Variants in GRXCR1 observed in about 807,000 individuals in gnomAD.
The protein encoded by GRXCR1 is glutaredoxin and cysteine rich domain containing 1, also known as glutaredoxin domain-containing cysteine-rich protein 1.
Under a neutral mutation model 27.3 loss-of-function variants are expected in GRXCR1, and 27 were observed. The observed-to-expected ratio is 0.99, with a 90% CI of 0.73 to 1.37. The LOEUF (loss-of-function observed/expected upper bound fraction) is 1.37, where lower values mean the gene tolerates loss of function less well. Among genes scored for constraint, GRXCR1 ranks in the 40% most tolerant of loss-of-function variants. The pLI is 0.00. For missense variants in GRXCR1, 379 were observed against 354.4 expected, an observed-to-expected ratio of 1.07 and a Z score of -0.56; for synonymous variants, 122 against 131.1, an observed-to-expected ratio of 0.93 and a Z score of 0.47.
intron 1 of GRXCR1, among the ~76,000 whole-genome samples, chr4:42,893,955 G>A (rs916693897): frequency 2.6e-5 from 4 of 152,106 alleles, no homozygotes; most frequent in Admixed American, 1.3e-4. Flanking sequence ...AAACTATGCT[G>A]TTCAAAGCAT....
intron 1 of GRXCR1, among the ~76,000 whole-genome samples, chr4:42,945,666 G>A (rs1450938): frequency 0.65 from 98,395 of 151,938 alleles, 32,423 homozygotes; most frequent in African/African-American, 0.76. Flanking sequence ...ACTTTACAGT[G>A]AGTGCTACCA....
intron 1 of GRXCR1, among the ~76,000 whole-genome samples, chr4:42,951,245 A>T (rs940545210): frequency 2.0e-5 from 3 of 152,196 alleles, no homozygotes; most frequent in Admixed American, 6.5e-5. Context: ...AACAGATGGT[A>T]CGTTGACCAC....
At position 42,892,713 on chromosome 4, in the gene GRXCR1, A is replaced by T. The variant is rs1190204492; in HGVS notation, c.-554A>T. 1 of 154,218 alleles carries T rather than the reference A, an allele frequency of 6.5e-6. No homozygotes were observed. Among genetic ancestry groups the T allele is most frequent in the Non-Finnish European group, 1.4e-5 (1 of 69,382 alleles). The allele number at this position is 154,218 out of a possible 1,614,324, so 9.6% of individuals were successfully genotyped here. On this transcript the variant is annotated 5_prime_UTR_variant, in exon 1 of 4. Coordinates refer to ENST00000399770, the MANE Select transcript of GRXCR1 (RefSeq NM_001080476.3). ...GAAATCTAACTGATGATTTAATAAG[A>T]ACTAATAGTAATAGCTCTATGCAGG...
intron 2 of GRXCR1, among the ~76,000 whole-genome samples, chr4:42,970,200 G>A (rs1748352964): frequency 6.6e-6 from 1 of 152,132 alleles, no homozygotes; most frequent in Non-Finnish European, 1.5e-5. Context: ...GCTTTCATGG[G>A]CTGGTATTGA....
At position 42,909,289 on chromosome 4, in the gene GRXCR1, C is replaced by T. The variant is rs566898311; in HGVS notation, c.384+15639C>T. Among the ~76,000 whole-genome samples the T allele has an allele frequency of 6.6e-5, 10 of 152,136 alleles. No homozygotes were observed. The South Asian group carries it at 8.3e-4, about 13-fold the overall frequency. ...ATAAGTTATTAAACCCTTGACAGTTCGAAATGGGCCTTGGTGGCAGTTTTA... is the reference window on the plus strand; with the variant it reads ...ATAAGTTATTAAACCCTTGACAGTTTGAAATGGGCCTTGGTGGCAGTTTTA... On this transcript the variant is annotated intron_variant, in intron 1 of 3. Coordinates refer to ENST00000399770, the MANE Select transcript of GRXCR1 (RefSeq NM_001080476.3).
chr4:43,000,921 T>G (rs2109796403), intron 2 of GRXCR1, among the ~76,000 whole-genome samples: 1 of 152,060 alleles, frequency 6.6e-6, no homozygotes, highest in South Asian at 2.1e-4. Flanking sequence ...TTCTTCAACT[T>G]CTCTCTTTTT....
chr4:42,939,873 C>T (rs1577913854), intron 1 of GRXCR1, among the ~76,000 whole-genome samples: 2 of 152,018 alleles, frequency 1.3e-5, no homozygotes, highest in Admixed American at 6.6e-5. Context: ...CCATCTACTC[C>T]ATTCTCCATC....
At chr4:42,918,071 T>C (rs989772963) in intron 1 of GRXCR1, among the ~76,000 whole-genome samples, 1 of 152,108 alleles carries the variant, frequency 6.6e-6, no homozygotes, top group African/African-American at 2.4e-5. Flanking sequence ...ATAAATACTC[T>C]TGGTGTTGTC....
rs1196734035 is a variant in GRXCR1, at chr4:42,893,333, T to C, written c.67T>C (p.Ser23Pro). 4 of 1,613,646 alleles carry C rather than the reference T, an allele frequency of 2.5e-6. No individual in the cohort carries two copies. The highest frequency in any genetic ancestry group is 3.4e-6 in the Non-Finnish European group (4 of 1,179,792). The change falls in exon 1 of 4, where the codon TCT (serine) becomes CCT (proline). Residue 23 changes from serine to proline, a missense_variant. Transcript: ENST00000399770. ...GAAAGTCCGGTTTCGGATCGCGTCC[T>C]CTCACAGTGGGCGAGTTCTGAAGGA... is the stretch of plus-strand genomic sequence containing the variant. ...PRKVRFRIAS[S>P]HSGRVLKEVY...
At chr4:43,000,822 T>C (rs1482459542) in intron 2 of GRXCR1, among the ~76,000 whole-genome samples, 1 of 152,108 alleles carries the variant, frequency 6.6e-6, no homozygotes, top group African/African-American at 2.4e-5. Context: ...CTAAAACATA[T>C]GGGGAAAAGT....
At chr4:42,904,478 C>T (rs1746538989) in intron 1 of GRXCR1, among the ~76,000 whole-genome samples, 1 of 152,160 alleles carries the variant, frequency 6.6e-6, no homozygotes, top group Admixed American at 6.5e-5. Flanking sequence ...TCCATTTAGA[C>T]ATAAGAGCAC....
At chr4:42,989,399 C>G (rs980283616) in intron 2 of GRXCR1, among the ~76,000 whole-genome samples, 3 of 152,072 alleles carry the variant, frequency 2.0e-5, no homozygotes, top group African/African-American at 7.2e-5. Context: ...CCTTAATTAC[C>G]TCCTTAAAAG....
At chr4:42,979,965 G>A (rs1451654274) in intron 2 of GRXCR1, among the ~76,000 whole-genome samples, 2 of 151,756 alleles carry the variant, frequency 1.3e-5, no homozygotes, top group African/African-American at 2.4e-5. Context: ...TTGTTGATAA[G>A]TATCTCTTAT....
rs934483971 is a variant in GRXCR1, at chr4:42,893,044, G to T, written c.-223G>T. ...AATATTTAAAGGCTGAGATCATTTT[G>T]CGGGTTTTAGTTTAAAGGTAACCAT... On this transcript the variant is annotated 5_prime_UTR_variant, in exon 1 of 4. Coordinates refer to ENST00000399770, the MANE Select transcript of GRXCR1 (RefSeq NM_001080476.3). Among the ~76,000 whole-genome samples, 1 of 152,052 alleles carries T rather than the reference G, an allele frequency of 6.6e-6. No individual in the cohort carries two copies.
Position 42,909,777 on chromosome 4 carries a change from C to G in GRXCR1, c.384+16127C>G, listed in dbSNP as rs529650765. 4.3e-4 allele frequency among the ~76,000 whole-genome samples: 65 copies of G among 152,092 alleles called. 2 individuals are homozygous for G. Among genetic ancestry groups the G allele is most frequent in the Non-Finnish European group, 1.5e-5 (1 of 68,012 alleles). The stretch of plus-strand genomic sequence containing the variant: ...TGTTACTCCCCTGCTAAAAACAAAC[C>G]ATGTTTCTCTGTAGCATTTATACAT... On this transcript the variant is annotated intron_variant, in intron 1 of 3. Transcript: ENST00000399770.
intron 1 of GRXCR1, among the ~76,000 whole-genome samples, chr4:42,960,959 C>G (rs186373221): frequency 1.3e-5 from 2 of 151,846 alleles, no homozygotes; most frequent in African/African-American, 4.8e-5. Context: ...AGGTATTAAG[C>G]CTCGCATGCA....
intron 2 of GRXCR1, among the ~76,000 whole-genome samples, chr4:43,011,020 A>G (rs1220243768): frequency 1.3e-5 from 2 of 152,168 alleles, no homozygotes; most frequent in Non-Finnish European, 2.9e-5. Flanking sequence ...CATGTGGCTG[A>G]GCCCACGATG....
intron 2 of GRXCR1, among the ~76,000 whole-genome samples, chr4:42,967,966 T>C (rs1748285947): frequency 6.6e-6 from 1 of 152,168 alleles, no homozygotes; most frequent in African/African-American, 2.4e-5. Context: ...TCCTAGATAA[T>C]GTCTCCTTTA....
At chr4:42,964,000 G>A (rs562903136) in intron 2 of GRXCR1, among the ~76,000 whole-genome samples, 1 of 151,936 alleles carries the variant, frequency 6.6e-6, no homozygotes, top group Non-Finnish European at 1.5e-5. Context: ...CTCACATTTT[G>A]TTTCAGGGAA....
Sources: gnomAD v4.1 joint callset for allele counts (sites outside exome capture counted in the v4.1 genomes callset) on GRCh38, gnomAD v4.1.1 for gene constraint, MANE v1.5 for transcripts, NCBI Gene and HGNC (gene_info 2026-07-23, HGNC 2026-07-21) for gene names.